The following ZNF512 variants were observed in gnomAD, a reference collection of about 807,000 sequenced individuals.
The protein encoded by ZNF512 is zinc finger protein 512.
In ZNF512, 25 loss-of-function variants were observed where a neutral mutation model predicts 77.5. The observed-to-expected ratio is 0.32, with a 90% CI of 0.23 to 0.45. The LOEUF (loss-of-function observed/expected upper bound fraction) is 0.45. ZNF512 is among the 20% of genes least tolerant of loss of function. The pLI, the probability that ZNF512 is intolerant of heterozygous loss-of-function variation, is 1.00. For missense variants in ZNF512, 483 were observed against 692.6 expected, an observed-to-expected ratio of 0.70 and a Z score of 3.40; for synonymous variants, 246 against 239.9, an observed-to-expected ratio of 1.03 and a Z score of -0.24.
chr2:27,606,316 C>G (rs1047028960), intron 9 of ZNF512, among the ~76,000 whole-genome samples: 1 of 149,896 alleles, frequency 6.7e-6, no homozygotes, highest in African/African-American at 2.4e-5. Context: ...ATGGATAATG[C>G]TTTTTTATAT....
rs1672446572 is a variant in ZNF512 at position 27,608,057 on chromosome 2, A to G, written c.1131+18A>G. 3 of 1,537,158 alleles carry G rather than the reference A, an allele frequency of 2.0e-6. No individual in the cohort carries two copies. Among genetic ancestry groups the G allele is most frequent in the Non-Finnish European group, 2.6e-6 (3 of 1,145,846 alleles). On this transcript the variant is annotated intron_variant, in intron 10 of 13. Transcript: ENST00000355467. The stretch of plus-strand genomic sequence containing the variant: ...ATCGAAAGGTAAGGCAGAAACATGT[A>G]TCAATTTGGGAACCATTATGTCTAA...
chr2:27,589,433 C>T (rs1056235943), intron 2 of ZNF512, among the ~76,000 whole-genome samples: 17 of 152,100 alleles, frequency 1.1e-4, no homozygotes, highest in African/African-American at 3.4e-4. Flanking sequence ...ACATAATCTG[C>T]GGTAACCCCT....
chr2:27,594,735 C>T (rs899114559), intron 2 of ZNF512, among the ~76,000 whole-genome samples: 8 of 151,950 alleles, frequency 5.3e-5, no homozygotes, highest in African/African-American at 9.7e-5. Context: ...GGGTGGCGGC[C>T]GGGCAGAGGC....
intron 1 of ZNF512, chr2:27,583,431 G>A: frequency 6.9e-7 from 1 of 1,444,262 alleles, no homozygotes; most frequent in Non-Finnish European, 9.0e-7. Context: ...TTTAGAGCCT[G>A]GGACAGGGCT....
chr2:27,600,106 T>C, intron 5 of ZNF512, 53 bp downstream of exon 5: 1 of 1,572,206 alleles, frequency 6.4e-7, no homozygotes, highest in Non-Finnish European at 8.7e-7. Context: ...CTCTGATTTG[T>C]TGTTGGTGTT....
chr2:27,583,060 C>A lies in ZNF512; in HGVS notation c.-53C>A. ...ATCCGGGAGAGGAGAGCGGAAGTGG[C>A]GTTGGTCTGGCCGGAGCCCTTGGGT... On this transcript the variant is annotated 5_prime_UTR_variant, in exon 1 of 14. Transcript: ENST00000355467. The A allele has an allele frequency of 1.2e-6, 2 of 1,609,138 alleles. No individual in the cohort carries two copies. The highest frequency in any genetic ancestry group is 1.7e-6 in the Non-Finnish European group (2 of 1,175,682).
Position 27,618,024 on chromosome 2 carries a change from C to G in ZNF512, c.1395+453C>G, listed in dbSNP as rs1372052356. Among the ~76,000 whole-genome samples the G allele has an allele frequency of 6.6e-5, 10 of 150,786 alleles. No individual in the cohort carries two copies. The Admixed American group carries it at 6.6e-4, about 10-fold the overall frequency. ...AGGGCTCACTGCAACCTCCACCTCTCGGGTTCAAGCAATACTCCCTGAGTA... is the reference window on the plus strand; with the variant it reads ...AGGGCTCACTGCAACCTCCACCTCTGGGGTTCAAGCAATACTCCCTGAGTA... On this transcript the variant is annotated intron_variant, in intron 13 of 13. Coordinates refer to ENST00000355467, the MANE Select transcript of ZNF512 (RefSeq NM_032434.4).
chr2:27,619,238 C>T (rs1251063388), intron 13 of ZNF512, among the ~76,000 whole-genome samples: 1 of 152,086 alleles, frequency 6.6e-6, no homozygotes, highest in Non-Finnish European at 1.5e-5. Flanking sequence ...GGTGAAACCC[C>T]ATCTCTACTA....
intron 10 of ZNF512, among the ~76,000 whole-genome samples, chr2:27,608,873 G>A (rs1359479299): frequency 6.6e-6 from 1 of 152,086 alleles, no homozygotes; most frequent in Non-Finnish European, 1.5e-5. Context: ...TACTTTGGGA[G>A]GCTGAGGTGG....
chr2:27,592,110 C>T (rs1272607938), intron 2 of ZNF512, among the ~76,000 whole-genome samples: 1 of 152,110 alleles, frequency 6.6e-6, no homozygotes, highest in African/African-American at 2.4e-5. Flanking sequence ...CCACTTCAGC[C>T]TGCTGAGTAG....
Position 27,601,368 on chromosome 2 carries a change from TG to T in ZNF512, c.596del (p.Cys199PhefsTer14). ...TTTTTCCTTCTAGGAAATGTTTACT[TG>T]TCATCATTGTGGGAAACAACTTCGT... ...MENCKQEMFT[C>X]HHCGKQLRSL... On this transcript the variant is annotated frameshift_variant, in exon 7 of 14. Transcript: ENST00000355467. LOFTEE classifies it high-confidence loss of function. 1 of 1,613,958 alleles carries T rather than the reference TG, an allele frequency of 6.2e-7. No individual in the cohort carries two copies. Among genetic ancestry groups the T allele is most frequent in the Non-Finnish European group, 8.5e-7 (1 of 1,179,838 alleles).
At chr2:27,606,370 T>C (rs1436099905) in intron 9 of ZNF512, among the ~76,000 whole-genome samples, 2 of 152,084 alleles carry the variant, frequency 1.3e-5, no homozygotes, top group Admixed American at 1.3e-4. Flanking sequence ...TTCTTTCTTT[T>C]TTTTTTTCTT....
At position 27,621,677 on chromosome 2, in the gene ZNF512, C is replaced by T. The variant is rs1673131126; in HGVS notation, c.*216C>T. 7.9e-6 allele frequency: 4 copies of T among 504,158 alleles called. No individual in the cohort carries two copies. The highest frequency in any genetic ancestry group is 4.9e-5 in the South Asian group (2 of 40,956). 31.2% of individuals were successfully genotyped at this position (504,158 alleles called of 1,614,324 possible). ...GTTTTCCTGCTATTCCTCGTCAAGTCCTCTTGTTTTTTTATCTTGCCCAAA... is the reference window on the plus strand; with the variant it reads ...GTTTTCCTGCTATTCCTCGTCAAGTTCTCTTGTTTTTTTATCTTGCCCAAA... On this transcript the variant is annotated 3_prime_UTR_variant, in exon 14 of 14. Coordinates refer to ENST00000355467, the MANE Select transcript of ZNF512 (RefSeq NM_032434.4).
intron 2 of ZNF512, among the ~76,000 whole-genome samples, chr2:27,590,443 A>G (rs775975152): frequency 2.0e-5 from 3 of 152,088 alleles, no homozygotes; most frequent in Non-Finnish European, 4.4e-5. Context: ...ATGTCTTTAT[A>G]TTTTAGAGTG....
At chr2:27,593,528 A>G (rs1051305013) in intron 2 of ZNF512, among the ~76,000 whole-genome samples, 3 of 152,088 alleles carry the variant, frequency 2.0e-5, no homozygotes, top group Non-Finnish European at 4.4e-5. Context: ...TGGTGAGGTG[A>G]GAGGATCACT....
chr2:27,621,422 A>G lies in ZNF512; in HGVS notation c.1665A>G (p.Val555=). 2 of 1,613,318 alleles carry G rather than the reference A, an allele frequency of 1.2e-6. No individual in the cohort carries two copies. The highest frequency in any genetic ancestry group is 1.7e-6 in the Non-Finnish European group (2 of 1,180,004). Residue 555 remains valine, a synonymous_variant, in exon 14 of 14, where the codon GTA becomes GTG. Transcript: ENST00000355467. ...CAGTGCCAGCACAGTTCCAGAAAGT[A>G]AAGCCCCCAAAGACTAATCATAAAC... is the stretch of plus-strand genomic sequence containing the variant. The part of the protein sequence containing the change: ...QEPVPAQFQK[V]KPPKTNHKRG...
At position 27,623,074 on chromosome 2, in the gene ZNF512, G is replaced by C. The variant is rs554496711; in HGVS notation, c.*1613G>C. 6.5e-6 allele frequency: 1 copy of C among 152,784 alleles called. No individual in the cohort carries two copies. Among genetic ancestry groups the C allele is most frequent in the Non-Finnish European group, 1.5e-5 (1 of 68,060 alleles). The allele number at this position is 152,784 out of a possible 1,614,324, so 9.5% of individuals were successfully genotyped here. A position where few individuals can be genotyped will look rare whatever the true frequency, so the allele number is the denominator to read the frequency against. ...TGGGGAATGTTTGGCAATGACAAAA[G>C]AAATAAATGACTCTCAGAAAGATGT... On this transcript the variant is annotated 3_prime_UTR_variant, in exon 14 of 14. Transcript: ENST00000355467.
chr2:27,602,241 A>C (rs1333512517), intron 7 of ZNF512, among the ~76,000 whole-genome samples: 1 of 152,216 alleles, frequency 6.6e-6, no homozygotes, highest in East Asian at 1.9e-4. Context: ...GTTAGCTCCA[A>C]AGGTTCATAT....
rs548405838 is a variant in ZNF512, at chr2:27,585,022, G to T, written c.89+1306G>T. ...AGGTTATTATGATAACCTAAGAGAT[G>T]AATAAAGAACATGTAGCCTATGGTG... On this transcript the variant is annotated intron_variant, in intron 2 of 13. Transcript: ENST00000355467. 5.3e-5 allele frequency among the ~76,000 whole-genome samples: 8 copies of T among 152,218 alleles called. No homozygotes were observed. The South Asian group carries it at 1.7e-3, about 31-fold the overall frequency.
Sources: allele counts gnomAD v4.1 joint callset (sites outside exome capture counted in the v4.1 genomes callset), GRCh38; gene constraint gnomAD v4.1.1; transcripts MANE v1.5; gene names NCBI Gene and HGNC (gene_info 2026-07-23, HGNC 2026-07-21).